The following CPA6 variants were observed in gnomAD, a reference collection of about 807,000 sequenced individuals.
CPA6 encodes carboxypeptidase B.
In CPA6, 58 loss-of-function variants were observed where a neutral mutation model predicts 63.3. That is an observed-to-expected ratio of 0.92 (90% CI 0.74 to 1.14). The LOEUF (loss-of-function observed/expected upper bound fraction) is 1.14, where lower values mean the gene tolerates loss of function less well. Among genes scored for constraint, CPA6 ranks in the 50% most tolerant of loss-of-function variants. CPA6 has a pLI of 0.00. For missense variants in CPA6, 565 were observed against 526.6 expected (o/e 1.07, Z -0.71); for synonymous variants, 185 against 179.0 (o/e 1.03, Z -0.27).
At chr8:67,472,341 C>T (rs1811076989) in intron 8 of CPA6, among the ~76,000 whole-genome samples, 1 of 150,490 alleles carries the variant, frequency 6.6e-6, no homozygotes, top group Admixed American at 6.6e-5. Flanking sequence ...TACTCATTGA[C>T]TTTGAAAACT....
chr8:67,658,100 G>A (rs886240307), intron 1 of CPA6, among the ~76,000 whole-genome samples: 14 of 152,146 alleles, frequency 9.2e-5, no homozygotes, highest in African/African-American at 3.4e-4. Flanking sequence ...TCCTCCTACA[G>A]CGAATACTCT....
At chr8:67,695,276 C>G (rs1234640225) in intron 1 of CPA6, among the ~76,000 whole-genome samples, 1 of 152,104 alleles carries the variant, frequency 6.6e-6, no homozygotes, top group Non-Finnish European at 1.5e-5. Context: ...GACTTCCACT[C>G]ACCAGGCCTG....
At chr8:67,446,927 C>G (rs1810430267) in intron 8 of CPA6, among the ~76,000 whole-genome samples, 1 of 151,918 alleles carries the variant, frequency 6.6e-6, no homozygotes, top group Non-Finnish European at 1.5e-5. Context: ...ACATAGTTTA[C>G]AAGTACACAT....
At chr8:67,437,655 A>G (rs547709197) in intron 8 of CPA6, among the ~76,000 whole-genome samples, 151 of 152,324 alleles carry the variant, frequency 9.9e-4, no homozygotes, top group African/African-American at 3.5e-3. Context: ...AAAAGGACCA[A>G]CCAGATATAG....
intron 1 of CPA6, among the ~76,000 whole-genome samples, chr8:67,700,374 G>A (rs1816998743): frequency 6.6e-6 from 1 of 152,202 alleles, no homozygotes; most frequent in Non-Finnish European, 1.5e-5. Context: ...CTAAGCTAAT[G>A]TAAATCATTG....
At chr8:67,452,357 G>T (rs1405907949) in intron 8 of CPA6, 1 of 152,190 alleles carries the variant, frequency 6.6e-6, no homozygotes. Flanking sequence ...TTAACACACT[G>T]TTCCCTCAAA....
chr8:67,686,481 G>A (rs1161083116), intron 1 of CPA6, among the ~76,000 whole-genome samples: 1 of 152,152 alleles, frequency 6.6e-6, no homozygotes, highest in African/African-American at 2.4e-5. Context: ...AGTAAGAATT[G>A]CCCACATATA....
chr8:67,589,312 G>C (rs1462259920), intron 2 of CPA6, among the ~76,000 whole-genome samples: 1 of 152,112 alleles, frequency 6.6e-6, no homozygotes, highest in Admixed American at 6.6e-5. Flanking sequence ...CTCTTCAAAA[G>C]GACTTTGTGC....
At chr8:67,649,413 T>C (rs986569869) in intron 1 of CPA6, among the ~76,000 whole-genome samples, 5 of 152,216 alleles carry the variant, frequency 3.3e-5, no homozygotes, top group Non-Finnish European at 5.9e-5. Context: ...CAATAATAAA[T>C]TACAATGATG....
chr8:67,728,572 A>C (rs936944514), intron 1 of CPA6, among the ~76,000 whole-genome samples: 1 of 152,202 alleles, frequency 6.6e-6, no homozygotes, highest in Admixed American at 6.5e-5. Context: ...CTTTCCATGC[A>C]CTCTAAATCT....
intron 1 of CPA6, among the ~76,000 whole-genome samples, chr8:67,683,417 C>A (rs1816641487): frequency 1.3e-5 from 2 of 152,134 alleles, no homozygotes; most frequent in South Asian, 4.2e-4. Flanking sequence ...ATTTGCAATT[C>A]ATCTTCTCTA....
chr8:67,711,234 G>A (rs554301983), intron 1 of CPA6, among the ~76,000 whole-genome samples: 1 of 152,308 alleles, frequency 6.6e-6, no homozygotes, highest in East Asian at 1.9e-4. Flanking sequence ...CTCAGAGCCT[G>A]GCTTGAAACC....
At chr8:67,607,669 G>A (rs2128984535) in intron 2 of CPA6, among the ~76,000 whole-genome samples, 1 of 152,228 alleles carries the variant, frequency 6.6e-6, no homozygotes, top group South Asian at 2.1e-4. Context: ...GAGCTATAGG[G>A]TCAATAGACA....
intron 1 of CPA6, among the ~76,000 whole-genome samples, chr8:67,697,824 GAT>G (rs1382514751): frequency 6.6e-6 from 1 of 151,908 alleles, no homozygotes; most frequent in African/African-American, 2.4e-5. Context: ...TATGAAGACT[GAT>G]ATGTGTATTA....
chr8:67,434,277 G>T, intron 8 of CPA6, 37 bp from the exon 9 acceptor site: 1 of 1,539,482 alleles, frequency 6.5e-7, no homozygotes, highest in Non-Finnish European at 9.0e-7. Context: ...AAGGAAGTGG[G>T]CAGGGAAGAA....
At chr8:67,505,204 A>ACCAC (rs1811902960) in intron 6 of CPA6, among the ~76,000 whole-genome samples, 1 of 152,224 alleles carries the variant, frequency 6.6e-6, no homozygotes, top group African/African-American at 2.4e-5. Flanking sequence ...CCACATCATT[A>ACCAC]CCACTGAATT....
At chr8:67,450,773 TCCAACCAAC>T (rs1055329682) in intron 8 of CPA6, among the ~76,000 whole-genome samples, 7 of 152,212 alleles carry the variant, frequency 4.6e-5, no homozygotes, top group African/African-American at 1.7e-4. Context: ...CCTCGCTAGA[TCCAACCAAC>T]ACCAACTTTC....
intron 1 of CPA6, among the ~76,000 whole-genome samples, chr8:67,638,633 A>T (rs897839547): frequency 2.6e-5 from 4 of 151,528 alleles, no homozygotes; most frequent in Admixed American, 2.6e-4. Context: ...GAAGTGCTTC[A>T]TCTAAGAGGA....
chr8:67,444,733 C>G lies in CPA6; in HGVS notation c.839-10493G>C, dbSNP rs1810375109. The stretch of plus-strand genomic sequence containing the variant: ...GGGAGACGGAGGTTGCAGTGAGCCA[C>G]TGCACCCCACTCTGGGCAACAGAGC... On this transcript the variant is annotated intron_variant, in intron 8 of 10. Coordinates refer to ENST00000297770, the MANE Select transcript of CPA6 (RefSeq NM_020361.5). 2.7e-5 allele frequency among the ~76,000 whole-genome samples: 4 copies of G among 148,742 alleles called. No individual in the cohort carries two copies. The South Asian group carries it at 8.6e-4, about 32-fold the overall frequency.
Sources: gnomAD v4.1 joint callset for allele counts (sites outside exome capture counted in the v4.1 genomes callset) on GRCh38, gnomAD v4.1.1 for gene constraint, MANE v1.5 for transcripts, NCBI Gene and HGNC (gene_info 2026-07-23, HGNC 2026-07-21) for gene names.